The following SARS1 variants were observed in gnomAD, a reference collection of about 807,000 sequenced individuals.
SARS1 encodes serine--tRNA ligase, cytoplasmic.
SARS1 carries 25 observed loss-of-function variants against 63.7 expected under a neutral mutation model. That is an observed-to-expected ratio of 0.39 (90% confidence interval 0.29 to 0.55). SARS1 has a LOEUF of 0.55. Among genes scored for constraint, SARS1 ranks in the 20% least tolerant of loss-of-function variants. The probability of loss-of-function intolerance (pLI) is 0.62; values close to 1 mark genes in which losing one functional copy is unlikely to be tolerated. For synonymous variants in SARS1, 231 were observed against 243.5 expected, an observed-to-expected ratio of 0.95 and a Z score of 0.48; for missense variants, 417 against 649.7, an observed-to-expected ratio of 0.64 and a Z score of 3.89.
Position 109,220,480 on chromosome 1 carries a change from C to T in SARS1, c.137-3498C>T, listed in dbSNP as rs953733832. ...TTTTTTGGTGACTAAAGATACTGAG[C>T]GCTTTTTCATAAGTTGATGGCATTT... On this transcript the variant is annotated intron_variant, in intron 1 of 10. Coordinates refer to ENST00000234677, the MANE Select transcript of SARS1 (RefSeq NM_006513.4). Among the ~76,000 whole-genome samples, 11 of 152,182 alleles carry T rather than the reference C, an allele frequency of 7.2e-5. 1 individual carries two copies. The highest frequency in any genetic ancestry group is 3.8e-4 in the East Asian group (2 of 5,206).
At chr1:109,225,331 C>T (rs1655041578) in intron 2 of SARS1, among the ~76,000 whole-genome samples, 1 of 152,290 alleles carries the variant, frequency 6.6e-6, no homozygotes, top group Non-Finnish European at 1.5e-5. Flanking sequence ...CAGCGTGTAA[C>T]ACTTTTAGCT....
rs185004629 is a variant in SARS1, at chr1:109,226,959, C to T, written c.208-1393C>T. 1.5e-3 allele frequency among the ~76,000 whole-genome samples: 225 copies of T among 146,858 alleles called. 1 individual carries two copies. Among genetic ancestry groups the T allele is most frequent in the African/African-American group, 5.5e-3 (218 of 39,904 alleles). The stretch of plus-strand genomic sequence containing the variant: ...CAAGTTTTGTTGAAGTCTCATGTAT[C>T]TTATTATAATGACCTTTGACTAACT... On this transcript the variant is annotated intron_variant, in intron 2 of 10. Transcript: ENST00000234677.
chr1:109,237,475 A>G lies in SARS1; in HGVS notation c.1387+102A>G, dbSNP rs1655337990. The stretch of plus-strand genomic sequence containing the variant: ...ATATACCAGGTTTTTTTGTTCAGAC[A>G]CAGCCCCTGAAACTCTGTCTGCCCT... On this transcript the variant is annotated intron_variant, in intron 10 of 10. Transcript: ENST00000234677. The surrounding 1 kb of genome is among the most constrained non-coding windows in gnomAD (Gnocchi z 4.1). 4 of 1,533,302 alleles carry G rather than the reference A, an allele frequency of 2.6e-6. No homozygotes were observed. The East Asian group carries it at 9.3e-5, about 35-fold the overall frequency. The allele number at this position is 1,533,302 out of a possible 1,614,324, so 95.0% of individuals were successfully genotyped here. A position where few individuals can be genotyped will look rare whatever the true frequency, so the allele number is the denominator to read the frequency against.
At chr1:109,236,922 T>G in intron 9 of SARS1, 2 of 1,543,582 alleles carry the variant, frequency 1.3e-6, no homozygotes, top group Middle Eastern at 1.7e-4. Flanking sequence ...CCCTACTCTT[T>G]TCCAAGTCAG....
intron 2 of SARS1, among the ~76,000 whole-genome samples, chr1:109,225,514 G>A (rs1029233795): frequency 3.9e-5 from 6 of 152,210 alleles, no homozygotes; most frequent in African/African-American, 1.4e-4. Flanking sequence ...AGATGGGATT[G>A]TGAGTGTTGT....
At chr1:109,220,736 T>C (rs1315867767) in intron 1 of SARS1, among the ~76,000 whole-genome samples, 1 of 152,178 alleles carries the variant, frequency 6.6e-6, no homozygotes, top group Admixed American at 6.5e-5. Flanking sequence ...ACTTTTCTTC[T>C]GTGATTTGTC....
At chr1:109,230,740 G>A in intron 4 of SARS1, 138 bp from the exon 5 acceptor site, 1 of 618,360 alleles carries the variant, frequency 1.6e-6, no homozygotes, top group Non-Finnish European at 2.6e-6. Context: ...GGAAGGTTGA[G>A]GCTGCAGTGA....
chr1:109,224,961 C>A (rs944634775), intron 2 of SARS1, among the ~76,000 whole-genome samples: 2 of 152,008 alleles, frequency 1.3e-5, no homozygotes, highest in African/African-American at 4.8e-5. Flanking sequence ...AAAAATTAGC[C>A]AGACGTGGCG....
chr1:109,235,512 G>A lies in SARS1; in HGVS notation c.969+81G>A. 8.7e-7 allele frequency: 1 copy of A among 1,153,880 alleles called. No homozygotes were observed. Among genetic ancestry groups the A allele is most frequent in the South Asian group, 1.4e-5 (1 of 72,518 alleles). 71.5% of individuals were successfully genotyped at this position (1,153,880 alleles called of 1,614,324 possible). A position where few individuals can be genotyped will look rare whatever the true frequency, so the allele number is the denominator to read the frequency against. ...GATGAGAGATAGGATCTGTGTTGCT[G>A]AGGCCCATCCTGGCTCCAGCTTTTC... is the stretch of plus-strand genomic sequence containing the variant. On this transcript the variant is annotated intron_variant, in intron 7 of 10. Coordinates refer to ENST00000234677, the MANE Select transcript of SARS1 (RefSeq NM_006513.4). The surrounding 1 kb of genome is among the most constrained non-coding windows in gnomAD (Gnocchi z 4.7).
At chr1:109,236,306 A>G (rs1655308610) in intron 8 of SARS1, 85 bp from the exon 9 acceptor site, 1 of 1,421,124 alleles carries the variant, frequency 7.0e-7, no homozygotes, top group Non-Finnish European at 9.6e-7. Flanking sequence ...CAGGACATGA[A>G]TTAAAGAATT....
At chr1:109,233,027 G>A (rs935054677) in intron 6 of SARS1, among the ~76,000 whole-genome samples, 1 of 152,096 alleles carries the variant, frequency 6.6e-6, no homozygotes, top group Non-Finnish European at 1.5e-5. Flanking sequence ...TGAATATATC[G>A]CTGCCTAATA....
chr1:109,220,934 A>G (rs889135437), intron 1 of SARS1, among the ~76,000 whole-genome samples: 1 of 151,914 alleles, frequency 6.6e-6, no homozygotes, highest in Non-Finnish European at 1.5e-5. Flanking sequence ...ATAGATCAAA[A>G]TTTTTTTTAA....
chr1:109,228,462 T>A, intron 3 of SARS1, 30 bp downstream of exon 3: 1 of 1,472,100 alleles, frequency 6.8e-7, no homozygotes, highest in Non-Finnish European at 9.5e-7. Flanking sequence ...TAAGTTAGGA[T>A]CTCTGCTATT....
intron 2 of SARS1, among the ~76,000 whole-genome samples, chr1:109,227,851 G>A (rs1570759242): frequency 6.6e-6 from 1 of 151,624 alleles, no homozygotes; most frequent in South Asian, 2.1e-4. Flanking sequence ...ACCGGAAGGC[G>A]GAGCTTGCAG....
chr1:109,236,671 G>A (rs1655318578), intron 9 of SARS1, 123 bp downstream of exon 9: 1 of 1,490,120 alleles, frequency 6.7e-7, no homozygotes, highest in South Asian at 1.4e-5. Flanking sequence ...TCTCAATCTA[G>A]ACCAAAAAGG....
chr1:109,219,419 A>G (rs1654874876), intron 1 of SARS1, among the ~76,000 whole-genome samples: 1 of 150,560 alleles, frequency 6.6e-6, no homozygotes, highest in Non-Finnish European at 1.5e-5. Context: ...CTCCAAAAAT[A>G]ATAGTATTCT....
rs1654732956 is a variant in SARS1 at position 109,214,246 on chromosome 1, G to A, written c.136+118G>A. On this transcript the variant is annotated intron_variant, in intron 1 of 10. Coordinates refer to ENST00000234677, the MANE Select transcript of SARS1 (RefSeq NM_006513.4). This position sits in a 1 kb window ranked among gnomAD's most constrained non-coding sequence, Gnocchi z 4.6. ...CCTTCGTCAGACCCCCTCCCAGGGT[G>A]CGGTGGCTCCGAGGTTCTCCCCATC... The A allele has an allele frequency of 7.9e-7, 1 of 1,263,054 alleles. No individual in the cohort carries two copies. 78.2% of individuals were successfully genotyped at this position (1,263,054 alleles called of 1,614,324 possible).
intron 4 of SARS1, 57 bp downstream of exon 4, chr1:109,229,629 G>T (rs1157270322): frequency 2.6e-6 from 4 of 1,555,224 alleles, no homozygotes; most frequent in Middle Eastern, 1.9e-4. Context: ...CTCTGCAGGG[G>T]CGGGGACGGG....
At chr1:109,223,613 G>A (rs1430059611) in intron 1 of SARS1, among the ~76,000 whole-genome samples, 1 of 152,132 alleles carries the variant, frequency 6.6e-6, no homozygotes, top group Non-Finnish European at 1.5e-5. Context: ...AGACCAGCCT[G>A]GCCAACATGG....
Sources: allele counts gnomAD v4.1 joint callset (sites outside exome capture counted in the v4.1 genomes callset), GRCh38; gene constraint gnomAD v4.1.1; non-coding constraint Gnocchi (gnomAD v3.1); transcripts MANE v1.5; gene names NCBI Gene and HGNC (gene_info 2026-07-23, HGNC 2026-07-21).